Variants in CCDC88A observed in about 807,000 individuals in gnomAD.
CCDC88A encodes the protein girdin.
CCDC88A carries 54 observed loss-of-function variants against 234.3 expected under a neutral mutation model. The observed-to-expected ratio is 0.23, with a 90% CI of 0.19 to 0.29. The LOEUF (loss-of-function observed/expected upper bound fraction) is 0.29, where lower values mean the gene tolerates loss of function less well. CCDC88A is among the 10% of genes least tolerant of loss of function. The pLI, the probability that CCDC88A is intolerant of heterozygous loss-of-function variation, is 1.00. For synonymous variants in CCDC88A, 753 were observed against 737.8 expected, an observed-to-expected ratio of 1.02 and a Z score of -0.33; for missense variants, 1,832 against 2,123.4, an observed-to-expected ratio of 0.86 and a Z score of 2.70.
chr2:55,323,470 G>A (rs1683884729), intron 17 of CCDC88A: 1 of 152,142 alleles, frequency 6.6e-6, no homozygotes, highest in South Asian at 2.1e-4. Flanking sequence ...CTAAAAAGAT[G>A]CCAAGATAGA....
chr2:55,375,400 C>T (rs926869306), intron 3 of CCDC88A, among the ~76,000 whole-genome samples: 10 of 149,196 alleles, frequency 6.7e-5, no homozygotes, highest in African/African-American at 2.2e-4. Context: ...CATGTGTGCT[C>T]TTTTTCTTCT....
chr2:55,310,253 C>T (rs1432811668), intron 23 of CCDC88A, among the ~76,000 whole-genome samples: 2 of 152,086 alleles, frequency 1.3e-5, no homozygotes, highest in African/African-American at 2.4e-5. Context: ...GTTTAAGGTA[C>T]TTTAACCCAA....
rs750083546 is a variant in CCDC88A, at chr2:55,332,524, A to T, written c.2855+42T>A. ...AGAATTCATGTATGAGCAAAAAAAAAAAAAAATTTTCAACTGTTTGCCAAG... is the reference window on the plus strand; with the variant it reads ...AGAATTCATGTATGAGCAAAAAAAATAAAAAATTTTCAACTGTTTGCCAAG... On this transcript the variant is annotated intron_variant, in intron 16 of 32. Transcript: ENST00000436346. The surrounding 1 kb of genome is among the most constrained non-coding windows in gnomAD (Gnocchi z 4.5). 8 of 1,584,302 alleles carry T rather than the reference A, an allele frequency of 5.0e-6. No homozygotes were observed. The African/African-American group carries it at 1.1e-4, about 22-fold the overall frequency.
chr2:55,400,379 T>C (rs1048220284), intron 2 of CCDC88A, among the ~76,000 whole-genome samples: 1 of 152,120 alleles, frequency 6.6e-6, no homozygotes, highest in African/African-American at 2.4e-5. Flanking sequence ...CTTTATAAGA[T>C]GAAAACTAAA....
At chr2:55,379,166 T>A (rs1674185774) in intron 3 of CCDC88A, among the ~76,000 whole-genome samples, 1 of 152,190 alleles carries the variant, frequency 6.6e-6, no homozygotes, top group Non-Finnish European at 1.5e-5. Context: ...ACTGCTATTG[T>A]TAAGATTTAT....
Position 55,332,804 on chromosome 2 carries a change from A to G in CCDC88A, c.2728-111T>C. ...TCTAGGAATACATGTAATTTGAACC[A>G]GGAAATGTCATTAAACCATTCCTTC... is the stretch of plus-strand genomic sequence containing the variant. On this transcript the variant is annotated intron_variant, in intron 15 of 32. Transcript: ENST00000436346. The surrounding 1 kb of genome is among the most constrained non-coding windows in gnomAD (Gnocchi z 4.5). The G allele has an allele frequency of 1.1e-6, 1 of 890,576 alleles. No individual in the cohort carries two copies. The highest frequency in any genetic ancestry group is 2.4e-5 in the Admixed American group (1 of 42,044). 55.2% of individuals were successfully genotyped at this position (890,576 alleles called of 1,614,324 possible). A position where few individuals can be genotyped will look rare whatever the true frequency, so the allele number is the denominator to read the frequency against.
At position 55,335,128 on chromosome 2, in the gene CCDC88A, G is replaced by T; in HGVS notation, c.1693C>A (p.Gln565Lys). ...CGCTGCCTTAAGGAAGACACTGTTT[G>T]ATTCAGATGTTCATTTTCCTGTTCC... ...ILEQENEHLN[Q>K]TVSSLRQRSQ... Residue 565 changes from glutamine to lysine, a missense_variant, in exon 15 of 33, where the codon CAA (glutamine) becomes AAA (lysine). Gln to Lys is a moderately conservative substitution (Grantham distance 53). Transcript: ENST00000436346. This position sits in a 1 kb window ranked among gnomAD's most constrained non-coding sequence, Gnocchi z 4.5. 3 of 1,553,322 alleles carry T rather than the reference G, an allele frequency of 1.9e-6. No homozygotes were observed. Among genetic ancestry groups the T allele is most frequent in the Middle Eastern group, 1.7e-4 (1 of 5,742 alleles).
chr2:55,387,656 C>A (rs62137154), intron 3 of CCDC88A, among the ~76,000 whole-genome samples: 76,345 of 150,990 alleles, frequency 0.51, 21,351 homozygotes, highest in Admixed American at 0.63. Context: ...GTGGTGCACA[C>A]CTATAGTCCC....
chr2:55,378,247 G>C (rs1674027794), intron 3 of CCDC88A, among the ~76,000 whole-genome samples: 1 of 152,064 alleles, frequency 6.6e-6, no homozygotes, highest in South Asian at 2.1e-4. Context: ...CCACAAAGAT[G>C]AAAGCAATCT....
At chr2:55,363,637 A>T (rs1671600600) in intron 6 of CCDC88A, 1 of 202,210 alleles carries the variant, frequency 4.9e-6, no homozygotes, top group East Asian at 1.1e-4. Flanking sequence ...AATTACAAGC[A>T]GTGTTCCACT....
At chr2:55,327,812 A>T (rs1684453328) in intron 17 of CCDC88A, among the ~76,000 whole-genome samples, 3 of 152,220 alleles carry the variant, frequency 2.0e-5, no homozygotes, top group Admixed American at 2.0e-4. Context: ...TACTTCACTG[A>T]ATACTTTCAA....
intron 12 of CCDC88A, among the ~76,000 whole-genome samples, chr2:55,343,439 T>C (rs912786711): frequency 3.2e-4 from 48 of 152,186 alleles, no homozygotes; most frequent in African/African-American, 1.2e-3. Flanking sequence ...AAATCTGTTA[T>C]TGCATTCATG....
At chr2:55,417,385 T>C (rs1033894620) in intron 2 of CCDC88A, 2 of 152,036 alleles carry the variant, frequency 1.3e-5, no homozygotes, top group African/African-American at 4.8e-5. Flanking sequence ...ATGGCTACCC[T>C]TTCTGTCATG....
chr2:55,413,414 T>C (rs2104994319), intron 2 of CCDC88A, among the ~76,000 whole-genome samples: 1 of 152,240 alleles, frequency 6.6e-6, no homozygotes, highest in Admixed American at 6.5e-5. Context: ...GGAAACATTA[T>C]CTCCCATCTT....
At chr2:55,378,930 C>A (rs1270733395) in intron 3 of CCDC88A, among the ~76,000 whole-genome samples, 1 of 151,728 alleles carries the variant, frequency 6.6e-6, no homozygotes, top group Non-Finnish European at 1.5e-5. Context: ...ATTTTTAGTA[C>A]AGAGGGGGTT....
chr2:55,407,502 G>C (rs1314092863), intron 2 of CCDC88A, among the ~76,000 whole-genome samples: 1 of 151,560 alleles, frequency 6.6e-6, no homozygotes, highest in Non-Finnish European at 1.5e-5. Context: ...CTACTTGGGA[G>C]GCTGACACAG....
chr2:55,418,665 AC>A (rs1681856641), intron 2 of CCDC88A, 150 bp downstream of exon 2: 2 of 642,042 alleles, frequency 3.1e-6, no homozygotes, highest in Non-Finnish European at 2.8e-6. Context: ...TGAGCCCATA[AC>A]ATTAGCATTC....
In CCDC88A at chr2:55,294,978, T is replaced by C. The variant is rs1017673880; in HGVS notation, c.5551+619A>G. ...AAAAAATAAAAACCTAGCCAAATGATATTTTGTTAACAGCAACTTTTCAAA... is the reference window on the plus strand; with the variant it reads ...AAAAAATAAAAACCTAGCCAAATGACATTTTGTTAACAGCAACTTTTCAAA... On this transcript the variant is annotated intron_variant, in intron 31 of 32. Transcript: ENST00000436346. 4.2e-6 allele frequency: 5 copies of C among 1,198,196 alleles called. No individual in the cohort carries two copies. The African/African-American group carries it at 8.0e-5, about 19-fold the overall frequency. 74.2% of individuals were successfully genotyped at this position (1,198,196 alleles called of 1,614,324 possible).
At chr2:55,311,609 G>A (rs761557401) in intron 23 of CCDC88A, among the ~76,000 whole-genome samples, 1 of 152,216 alleles carries the variant, frequency 6.6e-6, no homozygotes, top group African/African-American at 2.4e-5. Flanking sequence ...ATTGGGACAT[G>A]AATTAGAAGC....
Sources: allele counts gnomAD v4.1 joint callset (sites outside exome capture counted in the v4.1 genomes callset), GRCh38; gene constraint gnomAD v4.1.1; non-coding constraint Gnocchi (gnomAD v3.1); transcripts MANE v1.5; gene names NCBI Gene and HGNC (gene_info 2026-07-23, HGNC 2026-07-21).